The following BCL2 variants were observed in gnomAD, a reference collection of about 807,000 sequenced individuals.
BCL2 encodes apoptosis regulator Bcl-2.
In BCL2, 1 loss-of-function variant was observed where a neutral mutation model predicts 14.2. The ratio of observed to expected loss-of-function variants is 0.07; its 90% CI spans 0.02 to 0.33. BCL2 has a LOEUF of 0.33. BCL2 is among the 10% of genes least tolerant of loss of function. BCL2 has a pLI of 0.99. For missense variants in BCL2, 247 were observed against 305.9 expected (o/e 0.81, Z 1.44); for synonymous variants, 151 against 137.2 (o/e 1.10, Z -0.70).
intron 2 of BCL2, among the ~76,000 whole-genome samples, chr18:63,297,609 G>A (rs1296155745): frequency 6.6e-6 from 1 of 152,212 alleles, no homozygotes; most frequent in Non-Finnish European, 1.5e-5. Context: ...ATCAAGATGT[G>A]TAGGATGAGT....
chr18:63,141,721 C>T (rs1914367408), intron 2 of BCL2, among the ~76,000 whole-genome samples: 1 of 152,248 alleles, frequency 6.6e-6, no homozygotes, highest in Non-Finnish European at 1.5e-5. Flanking sequence ...GATCTGGAGC[C>T]ACACATGTGG....
chr18:63,148,003 C>T (rs1914556203), intron 2 of BCL2, among the ~76,000 whole-genome samples: 2 of 152,138 alleles, frequency 1.3e-5, no homozygotes, highest in Admixed American at 1.3e-4. Flanking sequence ...CCGACCCCTC[C>T]CTGCTTGGAA....
chr18:63,163,669 C>A (rs1914976565), intron 2 of BCL2, among the ~76,000 whole-genome samples: 1 of 152,156 alleles, frequency 6.6e-6, no homozygotes, highest in African/African-American at 2.4e-5. Context: ...AAAAAACACA[C>A]AACAATAGTC....
rs1913894296 is a variant in BCL2, at chr18:63,125,684, A to G, written c.*2941T>C. The G allele has an allele frequency of 4.7e-6, 1 of 212,146 alleles. No individual in the cohort carries two copies. Among genetic ancestry groups the G allele is most frequent in the Non-Finnish European group, 9.6e-6 (1 of 104,650 alleles). 13.1% of individuals were successfully genotyped at this position (212,146 alleles called of 1,614,324 possible). On this transcript the variant is annotated 3_prime_UTR_variant, in exon 3 of 3. Transcript: ENST00000333681. ...AAATAATTAGATATAATGAAAAAAAAGAAGAGGAGAAAAAAATGACTAGTT... is the reference window on the plus strand; with the variant it reads ...AAATAATTAGATATAATGAAAAAAAGGAAGAGGAGAAAAAAATGACTAGTT...
chr18:63,178,680 G>A (rs575806944), intron 2 of BCL2, among the ~76,000 whole-genome samples: 6 of 152,208 alleles, frequency 3.9e-5, no homozygotes, highest in African/African-American at 1.4e-4. Context: ...CCAAGTTTGA[G>A]GTCTCCCCAG....
At chr18:63,238,974 G>A (rs1207731834) in intron 2 of BCL2, among the ~76,000 whole-genome samples, 1 of 152,222 alleles carries the variant, frequency 6.6e-6, no homozygotes, top group Non-Finnish European at 1.5e-5. Flanking sequence ...CTGTGGGATG[G>A]CTAACTGCGG....
chr18:63,252,140 C>T (rs145968803), intron 2 of BCL2, among the ~76,000 whole-genome samples: 1 of 152,146 alleles, frequency 6.6e-6, no homozygotes, highest in African/African-American at 2.4e-5. Context: ...ATAAGTAATC[C>T]TAATATTCTT....
chr18:63,273,238 A>C (rs1316674465), intron 2 of BCL2, among the ~76,000 whole-genome samples: 4 of 152,210 alleles, frequency 2.6e-5, no homozygotes, highest in African/African-American at 9.6e-5. Context: ...AAACCAATCA[A>C]CCAATACACA....
intron 2 of BCL2, among the ~76,000 whole-genome samples, chr18:63,280,589 C>T (rs943834985): frequency 6.6e-6 from 1 of 152,192 alleles, no homozygotes; most frequent in South Asian, 2.1e-4. Context: ...AGATGCTCAA[C>T]ATCATTAATC....
chr18:63,287,574 G>A (rs1426325009), intron 2 of BCL2, among the ~76,000 whole-genome samples: 1 of 152,130 alleles, frequency 6.6e-6, no homozygotes, highest in African/African-American at 2.4e-5. Context: ...ATACTGATTA[G>A]AGTAGTGGTT....
intron 2 of BCL2, among the ~76,000 whole-genome samples, chr18:63,208,663 G>T (rs1345062611): frequency 6.6e-6 from 1 of 152,194 alleles, no homozygotes; most frequent in Non-Finnish European, 1.5e-5. Flanking sequence ...AAATAAAGGG[G>T]AAGGAGACTT....
chr18:63,206,326 G>GT (rs1909836832), intron 2 of BCL2, among the ~76,000 whole-genome samples: 1 of 152,234 alleles, frequency 6.6e-6, no homozygotes, highest in Admixed American at 6.5e-5. Flanking sequence ...ATAAACACAA[G>GT]TAAGAGTGGA....
chr18:63,243,579 T>A (rs1911073928), intron 2 of BCL2, among the ~76,000 whole-genome samples: 1 of 152,198 alleles, frequency 6.6e-6, no homozygotes, highest in African/African-American at 2.4e-5. Flanking sequence ...CTGTGAAGTC[T>A]GTGCAGGGAG....
intron 2 of BCL2, among the ~76,000 whole-genome samples, chr18:63,189,119 C>A (rs1156908312): frequency 6.7e-6 from 1 of 148,232 alleles, no homozygotes; most frequent in African/African-American, 2.5e-5. Context: ...GTAAACTTAG[C>A]ATTTTCAAAA....
chr18:63,264,062 G>A (rs1262937252), intron 2 of BCL2, among the ~76,000 whole-genome samples: 8 of 152,142 alleles, frequency 5.3e-5, no homozygotes, highest in African/African-American at 1.9e-4. Flanking sequence ...GAGCCACCAC[G>A]CCCAGCCTGC....
intron 2 of BCL2, among the ~76,000 whole-genome samples, chr18:63,296,466 C>T (rs2144275976): frequency 6.6e-6 from 1 of 152,254 alleles, no homozygotes; most frequent in East Asian, 1.9e-4. Context: ...CCATGATTGG[C>T]TTAATTGTTT....
At chr18:63,294,665 G>A (rs550017757) in intron 2 of BCL2, among the ~76,000 whole-genome samples, 9 of 150,948 alleles carry the variant, frequency 6.0e-5, no homozygotes, top group South Asian at 2.1e-4. Context: ...GTGAGAATCC[G>A]CCTCAAAAGA....
At chr18:63,129,093 G>A (rs1913993356) in intron 2 of BCL2, among the ~76,000 whole-genome samples, 1 of 152,176 alleles carries the variant, frequency 6.6e-6, no homozygotes, top group South Asian at 2.1e-4. Flanking sequence ...GTGTAGGAGA[G>A]AGTGCTAAGG....
intron 2 of BCL2, among the ~76,000 whole-genome samples, chr18:63,148,860 C>T (rs1015073023): frequency 3.9e-5 from 6 of 152,152 alleles, no homozygotes. Context: ...TTACTGCTGT[C>T]ACCCCTCTTT....
Sources: allele counts gnomAD v4.1 joint callset (sites outside exome capture counted in the v4.1 genomes callset), GRCh38; gene constraint gnomAD v4.1.1; transcripts MANE v1.5; gene names NCBI Gene and HGNC (gene_info 2026-07-23, HGNC 2026-07-21).